Variants in CEP85L observed in about 807,000 individuals in gnomAD.
CEP85L encodes the protein centrosomal protein 85L.
Under a neutral mutation model 100.3 loss-of-function variants are expected in CEP85L, and 60 were observed. That is an observed-to-expected ratio of 0.60 (90% CI 0.49 to 0.74). The LOEUF (loss-of-function observed/expected upper bound fraction) is 0.74, where lower values mean the gene tolerates loss of function less well. Ranked by LOEUF, CEP85L falls within the 30% of genes least tolerant of loss-of-function variation. The pLI, the probability that CEP85L is intolerant of heterozygous loss-of-function variation, is 0.00. For missense variants in CEP85L, 973 were observed against 936.2 expected, an observed-to-expected ratio of 1.04 and a Z score of -0.51; for synonymous variants, 319 against 322.7, an observed-to-expected ratio of 0.99 and a Z score of 0.12.
chr6:118,514,007 TG>T (rs1194442663), intron 4 of CEP85L, among the ~76,000 whole-genome samples: 1 of 151,936 alleles, frequency 6.6e-6, no homozygotes, highest in African/African-American at 2.4e-5. Context: ...GAGAAAAAAA[TG>T]GAACTATGCT....
In CEP85L at chr6:118,558,658, C is replaced by G. The variant is rs497251; in HGVS notation, c.1020+6871G>C. Among the ~76,000 whole-genome samples, 18,615 of 122,774 alleles carry G rather than the reference C, an allele frequency of 0.15. 1,332 individuals carry two copies. The highest frequency in any genetic ancestry group is 0.19 in the Non-Finnish European group (11,100 of 59,198). 80.5% of individuals were successfully genotyped at this position (122,774 alleles called of 152,430 possible). On this transcript the variant is annotated intron_variant, in intron 3 of 12. Coordinates refer to ENST00000368491, the MANE Select transcript of CEP85L (RefSeq NM_001042475.3). ...ACACACACACACACACACACACACA[C>G]ACAGAGAGAGAGAGAGAGAGAGAGA...
At chr6:118,491,073 C>T (rs1432819904) in intron 6 of CEP85L, among the ~76,000 whole-genome samples, 1 of 152,082 alleles carries the variant, frequency 6.6e-6, no homozygotes, top group Non-Finnish European at 1.5e-5. Flanking sequence ...AATGGTAGCT[C>T]TACTTTTAGT....
At chr6:118,592,077 G>C (rs1306442829) in intron 2 of CEP85L, among the ~76,000 whole-genome samples, 1 of 152,158 alleles carries the variant, frequency 6.6e-6, no homozygotes, top group Non-Finnish European at 1.5e-5. Context: ...GTACAAAGAG[G>C]TTAAATTACT....
At chr6:118,519,977 G>T (rs1776562154) in intron 4 of CEP85L, among the ~76,000 whole-genome samples, 1 of 152,002 alleles carries the variant, frequency 6.6e-6, no homozygotes, top group African/African-American at 2.4e-5. Flanking sequence ...TAACCAAGCG[G>T]GTATATCCCA....
At chr6:118,616,646 T>TAA (rs778624803) in intron 2 of CEP85L, among the ~76,000 whole-genome samples, 26 of 127,796 alleles carry the variant, frequency 2.0e-4, no homozygotes, top group African/African-American at 5.2e-4. Context: ...ACCCTGTCTT[T>TAA]AAAAAAAAAA....
intron 1 of CEP85L, among the ~76,000 whole-genome samples, chr6:118,650,630 G>T (rs367733468): frequency 6.6e-6 from 1 of 152,154 alleles, no homozygotes; most frequent in Non-Finnish European, 1.5e-5. Context: ...AGTTCCCTTG[G>T]GGGTGGCTGA....
rs566162069 is a variant in CEP85L, at chr6:118,571,136, T to C, written c.233-4820A>G. Among the ~76,000 whole-genome samples the C allele has an allele frequency of 2.0e-5, 3 of 152,264 alleles. No individual in the cohort carries two copies. In the South Asian group the frequency reaches 6.2e-4, roughly 32 times the overall value. ...GAAATGAGTCTAGAAAATGTTAACT[T>C]TAACAATTTCAACACTTAAAAATGT... is the stretch of plus-strand genomic sequence containing the variant. On this transcript the variant is annotated intron_variant, in intron 2 of 12. Transcript: ENST00000368491.
intron 5 of CEP85L, among the ~76,000 whole-genome samples, chr6:118,505,933 T>C (rs148148498): frequency 6.6e-6 from 1 of 152,316 alleles, no homozygotes; most frequent in Admixed American, 6.5e-5. Flanking sequence ...TTATAAATAA[T>C]GTACCCTAAG....
Position 118,503,444 on chromosome 6 carries a change from A to G in CEP85L, c.1257+7854T>C, listed in dbSNP as rs150018815. Among the ~76,000 whole-genome samples the G allele has an allele frequency of 2.3e-4, 35 of 152,302 alleles. No individual in the cohort carries two copies. The East Asian group carries it at 6.7e-3, about 29-fold the overall frequency. On this transcript the variant is annotated intron_variant, in intron 5 of 12. Transcript: ENST00000368491. ...TAGTAGATTCAATGAACTGATTCTA[A>G]GTTTATATGAAGAGGCAAAAGACCC... is the stretch of plus-strand genomic sequence containing the variant.
At chr6:118,465,637 C>T (rs1467818325) in intron 12 of CEP85L, 69 bp from the exon 13 acceptor site, 1 of 1,474,294 alleles carries the variant, frequency 6.8e-7, no homozygotes, top group South Asian at 1.2e-5. Context: ...AATTTTTCAC[C>T]TTAATCATCA....
intron 1 of CEP85L, among the ~76,000 whole-genome samples, chr6:118,695,518 G>A (rs1020837047): frequency 6.6e-6 from 1 of 152,146 alleles, no homozygotes; most frequent in Admixed American, 6.5e-5. Context: ...TCCCAATTCA[G>A]TAGTTCTAGG....
Position 118,481,910 on chromosome 6 carries a change from A to C in CEP85L, c.1614T>G (p.Asn538Lys). Residue 538 changes from asparagine to lysine, a missense_variant, in exon 8 of 13, where the codon AAT becomes AAG. Coordinates refer to ENST00000368491, the MANE Select transcript of CEP85L (RefSeq NM_001042475.3). ...SLQLQILEEK[N>K]KNLQEALIDT... ...CTATCAAAGCCTCTTGTAAATTCTTATTTTTTTCTTCCAGAATCTGCAGCT... is the reference window on the plus strand; with the variant it reads ...CTATCAAAGCCTCTTGTAAATTCTTCTTTTTTTCTTCCAGAATCTGCAGCT... The C allele has an allele frequency of 6.4e-7, 1 of 1,563,192 alleles. No individual in the cohort carries two copies. Among genetic ancestry groups the C allele is most frequent in the Non-Finnish European group, 8.7e-7 (1 of 1,155,958 alleles).
chr6:118,607,807 C>T (rs1772329147), intron 2 of CEP85L, among the ~76,000 whole-genome samples: 1 of 151,958 alleles, frequency 6.6e-6, no homozygotes, highest in South Asian at 2.1e-4. Flanking sequence ...AATATTGTCC[C>T]TTTTGTGGTT....
intron 3 of CEP85L, among the ~76,000 whole-genome samples, chr6:118,535,574 C>T (rs1777543300): frequency 6.6e-6 from 1 of 152,070 alleles, no homozygotes; most frequent in African/African-American, 2.4e-5. Context: ...AATTGTACTC[C>T]ATTCTAAGTA....
In CEP85L at chr6:118,502,002, C is replaced by CA. The variant is rs1245605522; in HGVS notation, c.1257+9295dup. 4 of 820,430 alleles carry CA rather than the reference C, an allele frequency of 4.9e-6. No homozygotes were observed. The East Asian group carries it at 7.4e-5, about 15-fold the overall frequency. 50.8% of individuals were successfully genotyped at this position (820,430 alleles called of 1,614,324 possible). ...GAAAACTGACCAGGTGGCTTGTTAA[C>CA]AGTCAGTGGGAATTTGAAAGAAGAA... On this transcript the variant is annotated intron_variant, in intron 5 of 12. Transcript: ENST00000368491.
At chr6:118,649,314 A>G (rs1418015960) in intron 1 of CEP85L, among the ~76,000 whole-genome samples, 2 of 152,218 alleles carry the variant, frequency 1.3e-5, no homozygotes, top group Non-Finnish European at 2.9e-5. Context: ...TGGTACAGCT[A>G]TACTGTCCAA....
intron 1 of CEP85L, among the ~76,000 whole-genome samples, chr6:118,701,426 C>A (rs965428054): frequency 6.6e-6 from 1 of 152,138 alleles, no homozygotes; most frequent in Non-Finnish European, 1.5e-5. Context: ...ATATACACCA[C>A]GGAGTACTAC....
intron 5 of CEP85L, among the ~76,000 whole-genome samples, chr6:118,494,162 C>T (rs1255563765): frequency 1.3e-5 from 2 of 152,086 alleles, no homozygotes; most frequent in African/African-American, 2.4e-5. Flanking sequence ...AAATCTGTAA[C>T]TAATGAATTG....
At chr6:118,472,660 G>T (rs1362252993) in intron 10 of CEP85L, among the ~76,000 whole-genome samples, 1 of 152,048 alleles carries the variant, frequency 6.6e-6, no homozygotes, top group Non-Finnish European at 1.5e-5. Context: ...TGCTCAAACT[G>T]GTAGTACTTT....
Sources: gnomAD v4.1 joint callset for allele counts (sites outside exome capture counted in the v4.1 genomes callset) on GRCh38, gnomAD v4.1.1 for gene constraint, MANE v1.5 for transcripts, NCBI Gene and HGNC (gene_info 2026-07-23, HGNC 2026-07-21) for gene names.